Variants in ZNF536 observed in about 807,000 individuals in gnomAD.
ZNF536 encodes zinc finger protein 536.
In ZNF536, 13 loss-of-function variants were observed where a neutral mutation model predicts 84.5. The observed-to-expected ratio is 0.15, with a 90% CI of 0.10 to 0.24. The LOEUF (loss-of-function observed/expected upper bound fraction) is 0.24. Ranked by LOEUF, ZNF536 falls within the 10% of genes least tolerant of loss-of-function variation. The pLI is 1.00. For missense variants in ZNF536, 1,536 were observed against 1,747.5 expected (o/e 0.88, Z 2.16); for synonymous variants, 811 against 742.5 (o/e 1.09, Z -1.50).
At chr19:30,389,740 C>T (rs1215085723) in intron 1 of ZNF536, among the ~76,000 whole-genome samples, 1 of 152,118 alleles carries the variant, frequency 6.6e-6, no homozygotes, top group African/African-American at 2.4e-5. Flanking sequence ...TTTCTAGGGA[C>T]TCCATTTCTG....
intron 1 of ZNF536, among the ~76,000 whole-genome samples, chr19:30,409,466 C>G (rs1473275099): frequency 6.6e-6 from 1 of 152,172 alleles, no homozygotes; most frequent in African/African-American, 2.4e-5. Context: ...TCCCAGCTTC[C>G]TTGGCAGCAG....
intron 3 of ZNF536, among the ~76,000 whole-genome samples, chr19:30,358,342 G>A (rs1342468752): frequency 2.0e-5 from 3 of 152,190 alleles, no homozygotes; most frequent in Non-Finnish European, 4.4e-5. Context: ...GTTCTCACCT[G>A]AACACAGTAG....
chr19:30,424,096 G>T (rs2051107292), intron 1 of ZNF536, among the ~76,000 whole-genome samples: 1 of 152,196 alleles, frequency 6.6e-6, no homozygotes, highest in South Asian at 2.1e-4. Context: ...GCTGGCCAGG[G>T]GACACTTTGT....
chr19:30,583,201 G>A (rs2046984752), intron 1 of ZNF536, among the ~76,000 whole-genome samples: 1 of 152,210 alleles, frequency 6.6e-6, no homozygotes, highest in South Asian at 2.1e-4. Flanking sequence ...CTGTTGGAAG[G>A]AGTTCCTGGT....
chr19:30,256,462 T>C (rs571046295), intron 1 of ZNF536, among the ~76,000 whole-genome samples: 3 of 152,338 alleles, frequency 2.0e-5, no homozygotes, highest in East Asian at 3.8e-4. Context: ...GTATTGGCAA[T>C]AGCGACGTAT....
chr19:30,234,773 A>ACACGCG lies in ZNF536; in HGVS notation c.-190+6101_-190+6102insACGCGC, dbSNP rs1491400962. ...CACACACACACACACACACACACAC[A>ACACGCG]CGCGCACACGCACCCCACACCACGA... On this transcript the variant is annotated intron_variant, in intron 1 of 5. Transcript: ENST00000585628. Among the ~76,000 whole-genome samples, 20 of 149,884 alleles carry ACACGCG rather than the reference A, an allele frequency of 1.3e-4. 3 individuals are homozygous for ACACGCG. Among genetic ancestry groups the ACACGCG allele is most frequent in the African/African-American group, 3.7e-4 (15 of 40,836 alleles).
At chr19:30,299,496 A>G (rs1237039509) in intron 2 of ZNF536, among the ~76,000 whole-genome samples, 1 of 152,210 alleles carries the variant, frequency 6.6e-6, no homozygotes, top group Non-Finnish European at 1.5e-5. Flanking sequence ...TGGTGGGGGT[A>G]GCTTGATCCT....
chr19:30,509,602 A>T (rs1266995293), intron 2 of ZNF536, among the ~76,000 whole-genome samples: 1 of 151,662 alleles, frequency 6.6e-6, no homozygotes, highest in Non-Finnish European at 1.5e-5. Context: ...ACATATATAG[A>T]TAGTAAAAAG....
chr19:30,512,086 C>T (rs895885728), intron 2 of ZNF536, among the ~76,000 whole-genome samples: 2 of 152,162 alleles, frequency 1.3e-5, no homozygotes, highest in African/African-American at 4.8e-5. Flanking sequence ...TTATTTTAAA[C>T]TTAAAATGAT....
chr19:30,464,717 T>C (rs2053307603), intron 2 of ZNF536, among the ~76,000 whole-genome samples: 1 of 151,734 alleles, frequency 6.6e-6, no homozygotes, highest in African/African-American at 2.4e-5. Flanking sequence ...GGCACATGGG[T>C]CCAGGAGACT....
intron 1 of ZNF536, among the ~76,000 whole-genome samples, chr19:30,417,148 A>ATTTT (rs71173904): frequency 8.0e-5 from 8 of 100,238 alleles, no homozygotes; most frequent in African/African-American, 1.6e-4. Context: ...TAATTTTTGT[A>ATTTT]TTTTTTTTTT....
chr19:30,431,679 G>A (rs1377244604), intron 1 of ZNF536, among the ~76,000 whole-genome samples: 2 of 152,192 alleles, frequency 1.3e-5, no homozygotes, highest in African/African-American at 4.8e-5. Context: ...AATGTAAACG[G>A]CTTTAATCAG....
chr19:30,691,930 A>G (rs796878284), intron 1 of ZNF536, among the ~76,000 whole-genome samples: 9 of 152,258 alleles, frequency 5.9e-5, no homozygotes, highest in African/African-American at 2.2e-4. Context: ...GATGCCTAGC[A>G]TCACCCCTGC....
intron 4 of ZNF536, chr19:30,555,541 C>T (rs893138150): frequency 6.6e-6 from 1 of 152,206 alleles, no homozygotes; most frequent in Non-Finnish European, 1.5e-5. Flanking sequence ...TACACTATTT[C>T]TGTGTCCACT....
At chr19:30,683,773 AC>A (rs1465681108) in intron 1 of ZNF536, among the ~76,000 whole-genome samples, 1 of 152,146 alleles carries the variant, frequency 6.6e-6, no homozygotes, top group African/African-American at 2.4e-5. Context: ...GGGAAAGGAA[AC>A]AGCCTACTCA....
chr19:30,272,007 A>C lies in ZNF536; in HGVS notation c.-189-12065A>C, dbSNP rs147414293. Among the ~76,000 whole-genome samples the C allele has an allele frequency of 4.2e-3, 638 of 152,332 alleles. 6 individuals carry two copies. Among genetic ancestry groups the C allele is most frequent in the African/African-American group, 0.015 (611 of 41,572 alleles). ...AAGAGCACTTCTTGAAGAGCTGCCC[A>C]AGTAGCCTCTCTGGGAATTTTTTGG... On this transcript the variant is annotated intron_variant, in intron 1 of 5. Coordinates refer to the ZNF536 transcript ENST00000585628.
At chr19:30,313,716 G>A (rs1568324674) in intron 2 of ZNF536, among the ~76,000 whole-genome samples, 1 of 152,174 alleles carries the variant, frequency 6.6e-6, no homozygotes, top group Non-Finnish European at 1.5e-5. Flanking sequence ...TCCCTGAGAA[G>A]CCCAGGCCAA....
chr19:30,618,722 C>A (rs1448050488), intron 1 of ZNF536, among the ~76,000 whole-genome samples: 1 of 152,084 alleles, frequency 6.6e-6, no homozygotes, highest in Non-Finnish European at 1.5e-5. Flanking sequence ...ATAATACTCT[C>A]AAATCTTTTT....
intron 1 of ZNF536, among the ~76,000 whole-genome samples, chr19:30,280,312 C>T (rs1197332886): frequency 6.6e-6 from 1 of 151,770 alleles, no homozygotes; most frequent in Admixed American, 6.6e-5. Context: ...TTCTCTCCTT[C>T]TCTCCTCCCT....
Sources: allele counts gnomAD v4.1 joint callset (sites outside exome capture counted in the v4.1 genomes callset), GRCh38; gene constraint gnomAD v4.1.1; transcripts MANE v1.5; gene names NCBI Gene and HGNC (gene_info 2026-07-23, HGNC 2026-07-21).